GRHL2: variants seen among roughly 807,000 people sequenced by gnomAD.
The protein encoded by GRHL2 is grainyhead like transcription factor 2, also known as grainyhead-like protein 2 homolog.
A neutral mutation model predicts 83.8 loss-of-function variants in GRHL2; 21 were observed. That is an observed-to-expected ratio of 0.25 (90% CI 0.18 to 0.36). The LOEUF is 0.36. Ranked by LOEUF, GRHL2 falls within the 10% of genes least tolerant of loss-of-function variation. The pLI, the probability that GRHL2 is intolerant of heterozygous loss-of-function variation, is 1.00. For missense variants in GRHL2, 623 were observed against 781.8 expected (o/e 0.80, Z 2.42); for synonymous variants, 280 against 278.9 (o/e 1.00, Z -0.04).
At chr8:101,499,229 A>G (rs947483037) in intron 1 of GRHL2, among the ~76,000 whole-genome samples, 1 of 152,248 alleles carries the variant, frequency 6.6e-6, no homozygotes, top group African/African-American at 2.4e-5. Context: ...TTACTTTTTA[A>G]AAAGTTTTAG....
In GRHL2 at chr8:101,558,559, G is replaced by T. The variant is rs1811535287; in HGVS notation, c.425G>T (p.Ser142Ile). 6.2e-7 allele frequency: 1 copy of T among 1,614,012 alleles called. No individual in the cohort carries two copies. The highest frequency in any genetic ancestry group is 8.5e-7 in the Non-Finnish European group (1 of 1,180,032). ...TCCAAGCGGGAACAGTACAGCATCA[G>T]CTTCCCCGAGAGCTCTGCCATCATC... ...ENSKREQYSI[S>I]FPESSAIIPV... The change falls in exon 4 of 16, where the codon AGC (serine) becomes ATC (isoleucine). Residue 142 changes from serine to isoleucine, a missense_variant. Physicochemically the swap from Ser to Ile is moderately radical, Grantham distance 142 (BLOSUM62 -2). Coordinates refer to ENST00000646743, the MANE Select transcript of GRHL2 (RefSeq NM_024915.4).
chr8:101,606,489 T>A (rs923824439), intron 8 of GRHL2, among the ~76,000 whole-genome samples: 1 of 152,104 alleles, frequency 6.6e-6, no homozygotes, highest in African/African-American at 2.4e-5. Flanking sequence ...CTAAGATGAG[T>A]TGGCTGGTGA....
intron 8 of GRHL2, among the ~76,000 whole-genome samples, chr8:101,614,570 T>G (rs1376519637): frequency 6.6e-6 from 1 of 152,208 alleles, no homozygotes; most frequent in East Asian, 1.9e-4. Context: ...TAACTTTCTG[T>G]GCTTGACATT....
intron 7 of GRHL2, among the ~76,000 whole-genome samples, chr8:101,580,462 G>C (rs558585674): frequency 6.6e-6 from 1 of 152,064 alleles, no homozygotes; most frequent in South Asian, 2.1e-4. Flanking sequence ...CTCCCTCCCC[G>C]TCACTCTTCC....
intron 7 of GRHL2, among the ~76,000 whole-genome samples, chr8:101,597,237 A>C (rs778935391): frequency 6.6e-6 from 1 of 152,134 alleles, no homozygotes; most frequent in Non-Finnish European, 1.5e-5. Context: ...ATGAATTTTT[A>C]TCACAGAGAT....
intron 12 of GRHL2, among the ~76,000 whole-genome samples, chr8:101,637,195 GA>G (rs1193680432): frequency 1.3e-5 from 2 of 152,112 alleles, no homozygotes; most frequent in African/African-American, 4.8e-5. Context: ...TTTTCTAAGG[GA>G]CCGATCCCTT....
chr8:101,650,352 T>A (rs2129697021), intron 14 of GRHL2, among the ~76,000 whole-genome samples: 1 of 152,360 alleles, frequency 6.6e-6, no homozygotes, highest in East Asian at 1.9e-4. Context: ...GGGACTTCAC[T>A]CTTTTTATGA....
chr8:101,520,357 A>C (rs1202017801), intron 1 of GRHL2, among the ~76,000 whole-genome samples: 1 of 152,216 alleles, frequency 6.6e-6, no homozygotes. Context: ...GAATAAAGAA[A>C]ATGGCAGAAA....
At chr8:101,573,599 G>A (rs956695685) in intron 5 of GRHL2, 69 bp from the exon 6 acceptor site, 29 of 1,571,782 alleles carry the variant, frequency 1.8e-5, no homozygotes, top group Non-Finnish European at 2.4e-5. Context: ...ATGCTATGAT[G>A]TGAAATTGGT....
intron 1 of GRHL2, among the ~76,000 whole-genome samples, chr8:101,524,280 T>C (rs982287177): frequency 9.2e-5 from 14 of 152,350 alleles, no homozygotes; most frequent in African/African-American, 3.4e-4. Context: ...TTAGTTTTCT[T>C]TGCCATTTCA....
the GRHL2 span, among the ~76,000 whole-genome samples, chr8:101,676,774 C>T: frequency 1.1e-4 from 16 of 152,166 alleles, no homozygotes; most frequent in African/African-American, 1.9e-4. Flanking sequence ...ATGTTTATTG[C>T]GGTACTATTC....
At chr8:101,680,483 T>G in the GRHL2 span, among the ~76,000 whole-genome samples, 1 of 141,380 alleles carries the variant, frequency 7.1e-6, no homozygotes, top group South Asian at 2.5e-4. Context: ...AATGGGAGAC[T>G]TTAACACCCC....
rs145612662 is a variant in GRHL2, at chr8:101,511,593, G to A, written c.20+18804G>A. 2.5e-3 allele frequency among the ~76,000 whole-genome samples: 378 copies of A among 151,998 alleles called. 4 individuals carry two copies. The highest frequency in any genetic ancestry group is 8.6e-3 in the African/African-American group (357 of 41,486). Reference sequence around the variant, plus strand: ...GAACTCCTGACCTGGGGATCTGCCCGTTGCCTTGGCCTTCCAAAGTACTGG... The same window carrying A: ...GAACTCCTGACCTGGGGATCTGCCCATTGCCTTGGCCTTCCAAAGTACTGG... On this transcript the variant is annotated intron_variant, in intron 1 of 15. Transcript: ENST00000646743.
intron 1 of GRHL2, among the ~76,000 whole-genome samples, chr8:101,513,085 A>G (rs889051210): frequency 6.6e-6 from 1 of 152,158 alleles, no homozygotes; most frequent in African/African-American, 2.4e-5. Flanking sequence ...TTTTCTTAAT[A>G]TAGTGATATC....
chr8:101,522,737 A>ACATATACATATACATATG (rs1491290687), intron 1 of GRHL2, among the ~76,000 whole-genome samples: 1 of 148,866 alleles, frequency 6.7e-6, no homozygotes, highest in Non-Finnish European at 1.5e-5. Context: ...ATATACATAT[A>ACATATACATATACATATG]CATATATATA....
intron 7 of GRHL2, among the ~76,000 whole-genome samples, chr8:101,582,373 A>G (rs1449309008): frequency 2.6e-5 from 4 of 152,178 alleles, no homozygotes; most frequent in Non-Finnish European, 2.9e-5. Context: ...CCATGCAGAG[A>G]GTAGGGTTAA....
At chr8:101,658,459 G>A (rs1813846607) in intron 14 of GRHL2, among the ~76,000 whole-genome samples, 1 of 152,148 alleles carries the variant, frequency 6.6e-6, no homozygotes, top group African/African-American at 2.4e-5. Context: ...TTATTCCATT[G>A]TCATGATGTG....
chr8:101,662,356 G>C (rs1203646457), intron 14 of GRHL2, among the ~76,000 whole-genome samples: 1 of 152,194 alleles, frequency 6.6e-6, no homozygotes. Flanking sequence ...TGCTCGCCCA[G>C]CTCTCTGCTC....
intron 14 of GRHL2, among the ~76,000 whole-genome samples, chr8:101,650,603 T>C (rs1813601813): frequency 6.6e-6 from 1 of 151,928 alleles, no homozygotes; most frequent in Non-Finnish European, 1.5e-5. Context: ...ATATTGAGAA[T>C]AAGCAAATCC....
Sources: gnomAD v4.1 joint callset for allele counts (sites outside exome capture counted in the v4.1 genomes callset) on GRCh38, gnomAD v4.1.1 for gene constraint, MANE v1.5 for transcripts, NCBI Gene and HGNC (gene_info 2026-07-23, HGNC 2026-07-21) for gene names.